The following MACO1 variants were observed in gnomAD, a reference collection of about 807,000 sequenced individuals.
MACO1 encodes macoilin 1.
MACO1 carries 14 observed loss-of-function variants against 78.7 expected under a neutral mutation model. The observed-to-expected ratio is 0.18, with a 90% CI of 0.12 to 0.28. The LOEUF is 0.28. Among genes scored for constraint, MACO1 ranks in the 10% least tolerant of loss-of-function variants. The probability of loss-of-function intolerance (pLI) is 1.00; values close to 1 mark genes in which losing one functional copy is unlikely to be tolerated. For missense variants in MACO1, 501 were observed against 799.0 expected, an observed-to-expected ratio of 0.63 and a Z score of 4.50; for synonymous variants, 288 against 291.6, an observed-to-expected ratio of 0.99 and a Z score of 0.12.
At chr1:25,459,977 ATTC>A (rs2043156954) in intron 6 of MACO1, among the ~76,000 whole-genome samples, 1 of 152,144 alleles carries the variant, frequency 6.6e-6, no homozygotes, top group Admixed American at 6.5e-5. Context: ...AGTAAGTTAT[ATTC>A]TTCTTTCTCT....
intron 10 of MACO1, among the ~76,000 whole-genome samples, chr1:25,491,983 G>T (rs1246192865): frequency 6.6e-6 from 1 of 152,172 alleles, no homozygotes; most frequent in Non-Finnish European, 1.5e-5. Context: ...TGATGTCTGA[G>T]GTGGGCCTGA....
intron 1 of MACO1, among the ~76,000 whole-genome samples, chr1:25,433,201 T>G (rs534317221): frequency 5.3e-5 from 8 of 152,354 alleles, no homozygotes; most frequent in Admixed American, 5.2e-4. Context: ...ATATATCAAA[T>G]GAGCGTTTCA....
chr1:25,485,923 ACT>A lies in MACO1; in HGVS notation c.1496+129_1496+130del. 2 of 1,028,858 alleles carry A rather than the reference ACT, an allele frequency of 1.9e-6. No individual in the cohort carries two copies. Among genetic ancestry groups the A allele is most frequent in the South Asian group, 3.2e-5 (2 of 61,972 alleles). 63.7% of individuals were successfully genotyped at this position (1,028,858 alleles called of 1,614,324 possible). On this transcript the variant is annotated intron_variant, in intron 8 of 10. Coordinates refer to ENST00000374343, the MANE Select transcript of MACO1 (RefSeq NM_018202.6). This position sits in a 1 kb window ranked among gnomAD's most constrained non-coding sequence, Gnocchi z 4.3. ...ATGCACGGATGGATTGCTTTTAAGT[ACT>A]GTTTTATTAACTGGTTTAAACTCCA...
At chr1:25,435,402 T>A (rs1157196406) in intron 1 of MACO1, among the ~76,000 whole-genome samples, 1 of 152,206 alleles carries the variant, frequency 6.6e-6, no homozygotes, top group Non-Finnish European at 1.5e-5. Flanking sequence ...CTCTGGTCCT[T>A]GGGGCTCCTC....
chr1:25,469,885 C>G (rs928179561), intron 6 of MACO1, among the ~76,000 whole-genome samples: 1 of 152,142 alleles, frequency 6.6e-6, no homozygotes, highest in African/African-American at 2.4e-5. Context: ...CTCAGCTTCC[C>G]AAAGTGCTGG....
intron 1 of MACO1, among the ~76,000 whole-genome samples, chr1:25,440,421 A>C (rs2042960638): frequency 6.7e-6 from 1 of 149,472 alleles, no homozygotes; most frequent in Admixed American, 6.6e-5. Flanking sequence ...AAAAAAAAAA[A>C]GAAGAAAGAA....
At chr1:25,439,365 C>T (rs758332360) in intron 1 of MACO1, among the ~76,000 whole-genome samples, 2 of 151,186 alleles carry the variant, frequency 1.3e-5, no homozygotes, top group Non-Finnish European at 2.9e-5. Context: ...CACTGCGCTA[C>T]AGCCTAGGAG....
At chr1:25,445,944 G>A (rs2043011835) in intron 1 of MACO1, among the ~76,000 whole-genome samples, 1 of 152,248 alleles carries the variant, frequency 6.6e-6, no homozygotes, top group South Asian at 2.1e-4. Context: ...TAATGAACTG[G>A]AAAATTGACC....
intron 1 of MACO1, among the ~76,000 whole-genome samples, chr1:25,437,850 G>A (rs562561041): frequency 7.0e-4 from 106 of 152,310 alleles, no homozygotes; most frequent in African/African-American, 2.5e-3. Flanking sequence ...GAGCCCAGGA[G>A]TTTGAGGCTG....
chr1:25,482,406 C>T (rs1257071980), intron 6 of MACO1, among the ~76,000 whole-genome samples: 2 of 152,200 alleles, frequency 1.3e-5, no homozygotes, highest in Non-Finnish European at 2.9e-5. Context: ...TCTCCACAGT[C>T]CTATCTACCA....
intron 3 of MACO1, 145 bp downstream of exon 3, chr1:25,449,079 C>T (rs1239377210): frequency 1.6e-6 from 1 of 614,150 alleles, no homozygotes; most frequent in African/African-American, 1.9e-5. Flanking sequence ...AATATACCTT[C>T]AAAAATATAT....
At chr1:25,449,255 GA>G (rs1185753948) in intron 3 of MACO1, among the ~76,000 whole-genome samples, 1 of 150,316 alleles carries the variant, frequency 6.7e-6, no homozygotes, top group East Asian at 1.9e-4. Flanking sequence ...TGCCAAAAAA[GA>G]AAAAAAAATG....
At chr1:25,458,324 G>A in intron 5 of MACO1, 67 bp from the exon 6 acceptor site, 2 of 1,516,780 alleles carry the variant, frequency 1.3e-6, no homozygotes, top group Non-Finnish European at 1.8e-6. Context: ...GAATTAATCT[G>A]TGTTGTTAAA....
chr1:25,478,429 A>T (rs1046010627), intron 6 of MACO1, among the ~76,000 whole-genome samples: 5 of 152,182 alleles, frequency 3.3e-5, no homozygotes, highest in African/African-American at 1.2e-4. Context: ...ATTAAATTTA[A>T]ATAATTATTA....
At chr1:25,494,345 G>A (rs1442681447) in intron 10 of MACO1, among the ~76,000 whole-genome samples, 1 of 152,178 alleles carries the variant, frequency 6.6e-6, no homozygotes, top group East Asian at 1.9e-4. Flanking sequence ...TTCAAGAGCA[G>A]AGAATGCCAG....
At position 25,454,464 on chromosome 1, in the gene MACO1, G is replaced by GTATATATA. The variant is rs1206688329; in HGVS notation, c.473+83_473+84insATATATAT. 1.1e-4 allele frequency: 20 copies of GTATATATA among 178,198 alleles called. No individual in the cohort carries two copies. The South Asian group carries it at 1.5e-3, about 13-fold the overall frequency. 11.0% of individuals were successfully genotyped at this position (178,198 alleles called of 1,614,324 possible). ...TGTGTGTGTGTGTGTGTGTGTGTGTGTGTGTGTATATATATATATATATAT... is the reference window on the plus strand; with the variant it reads ...TGTGTGTGTGTGTGTGTGTGTGTGTGTATATATATGTGTGTATATATATATATATATAT... On this transcript the variant is annotated intron_variant, in intron 4 of 10. Transcript: ENST00000374343.
chr1:25,483,691 G>C (rs541640641), intron 6 of MACO1, among the ~76,000 whole-genome samples: 1 of 152,284 alleles, frequency 6.6e-6, no homozygotes, highest in South Asian at 2.1e-4. Context: ...AGTAGATTCT[G>C]ATTTATCAAA....
At chr1:25,457,501 T>C (rs2043131987) in intron 5 of MACO1, among the ~76,000 whole-genome samples, 1 of 152,102 alleles carries the variant, frequency 6.6e-6, no homozygotes, top group South Asian at 2.1e-4. Flanking sequence ...AGAACCAAAG[T>C]ATAAGCACAA....
At chr1:25,486,666 G>A (rs2043435961) in intron 8 of MACO1, among the ~76,000 whole-genome samples, 1 of 152,156 alleles carries the variant, frequency 6.6e-6, no homozygotes, top group South Asian at 2.1e-4. Flanking sequence ...CTTTTGGCAT[G>A]TTGATAGCCT....
Sources: gnomAD v4.1 joint callset for allele counts (sites outside exome capture counted in the v4.1 genomes callset) on GRCh38, gnomAD v4.1.1 for gene constraint, Gnocchi (gnomAD v3.1) non-coding constraint, MANE v1.5 for transcripts, NCBI Gene and HGNC (gene_info 2026-07-23, HGNC 2026-07-21) for gene names.